RIOK1: variants seen among roughly 807,000 people sequenced by gnomAD.
RIOK1 encodes serine/threonine-protein kinase RIO1.
A neutral mutation model predicts 73.5 loss-of-function variants in RIOK1; 66 were observed. That is an observed-to-expected ratio of 0.90 (90% CI 0.74 to 1.10). RIOK1 has a LOEUF of 1.10. Among genes scored for constraint, RIOK1 ranks in the 50% least tolerant of loss-of-function variants. The probability of loss-of-function intolerance (pLI) is 0.00; values close to 1 mark genes in which losing one functional copy is unlikely to be tolerated. For synonymous variants in RIOK1, 224 were observed against 226.8 expected (o/e 0.99, Z 0.11); for missense variants, 658 against 699.8 (o/e 0.94, Z 0.67).
At chr6:7,417,052 T>C (rs905236744) in intron 16 of RIOK1, among the ~76,000 whole-genome samples, 5 of 152,098 alleles carry the variant, frequency 3.3e-5, no homozygotes, top group Non-Finnish European at 7.3e-5. Context: ...GAGACCAGCC[T>C]GTGCAATCTG....
Position 7,393,214 on chromosome 6 carries a change from T to TATGATG in RIOK1, c.191_192insTGATGA (p.Asp68_Asp69dup). The TATGATG allele has an allele frequency of 6.2e-7, 1 of 1,611,224 alleles. No homozygotes were observed. Among genetic ancestry groups the TATGATG allele is most frequent in the Non-Finnish European group, 8.5e-7 (1 of 1,177,400 alleles). ...AATAGAAGATGAGGAGGAGGAGGGT[T>TATGATG]ATGACGATGATGATGATGACTGGGA... On this transcript the variant is annotated inframe_insertion, in exon 2 of 17. Coordinates refer to ENST00000379834, the MANE Select transcript of RIOK1 (RefSeq NM_031480.3).
Position 7,396,807 on chromosome 6 carries a change from A to G in RIOK1, c.437+35A>G, listed in dbSNP as rs370733875. The G allele has an allele frequency of 9.6e-5, 109 of 1,137,206 alleles. No individual in the cohort carries two copies. In the African/African-American group the frequency reaches 1.4e-3, roughly 15 times the overall value. 70.4% of individuals were successfully genotyped at this position (1,137,206 alleles called of 1,614,324 possible). A position where few individuals can be genotyped will look rare whatever the true frequency, so the allele number is the denominator to read the frequency against. The stretch of plus-strand genomic sequence containing the variant: ...ATTTTAATAATATGCATGGGTGATA[A>G]GGACTAATCTAGATTAAGCAGCACC... On this transcript the variant is annotated intron_variant, in intron 4 of 16. Transcript: ENST00000379834.
rs1192679920 is a variant in RIOK1 at position 7,390,084 on chromosome 6, G to C, written c.71+11G>C. 1 of 1,554,654 alleles carries C rather than the reference G, an allele frequency of 6.4e-7. No individual in the cohort carries two copies. The highest frequency in any genetic ancestry group is 8.7e-7 in the Non-Finnish European group (1 of 1,148,964). ...GGACTCCTCTGACAGGTAGGCGGCC[G>C]TACAGTGCCCTGGCTCTGGGTACGG... On this transcript the variant is annotated intron_variant, in intron 1 of 16. Transcript: ENST00000379834.
chr6:7,391,190 C>T (rs2113493681), intron 1 of RIOK1, among the ~76,000 whole-genome samples: 1 of 152,250 alleles, frequency 6.6e-6, no homozygotes, highest in South Asian at 2.1e-4. Flanking sequence ...GGGATGTTTT[C>T]AATAAATATA....
chr6:7,392,969 G>T, intron 1 of RIOK1, 130 bp from the exon 2 acceptor site: 1 of 1,323,146 alleles, frequency 7.6e-7, no homozygotes. Context: ...CTTATCGGAA[G>T]GTGTATTTTA....
At chr6:7,405,159 T>A in intron 11 of RIOK1, 90 bp from the exon 12 acceptor site, 1 of 1,036,294 alleles carries the variant, frequency 9.6e-7, no homozygotes, top group South Asian at 1.4e-5. Flanking sequence ...AGATGGTATG[T>A]AATTTTATCT....
chr6:7,409,016 C>T (rs532108495), intron 12 of RIOK1, among the ~76,000 whole-genome samples: 7 of 150,404 alleles, frequency 4.7e-5, no homozygotes, highest in Admixed American at 2.0e-4. Context: ...CCACCGCACC[C>T]GGCCTCTTTT....
intron 14 of RIOK1, 129 bp downstream of exon 14, chr6:7,411,580 T>A: frequency 1.1e-6 from 1 of 942,584 alleles, no homozygotes; most frequent in Non-Finnish European, 1.6e-6. Context: ...AATGACTAAC[T>A]CTATCTGTGT....
chr6:7,414,250 C>T lies in RIOK1; in HGVS notation c.1456C>T (p.Leu486=), dbSNP rs769724036. The T allele has an allele frequency of 3.3e-5, 53 of 1,612,324 alleles. No individual in the cohort carries two copies. Among genetic ancestry groups the T allele is most frequent in the Non-Finnish European group, 4.2e-5 (49 of 1,179,412 alleles). The change falls in exon 16 of 17, where the codon CTA becomes TTA. Residue 486 remains leucine, a synonymous_variant. Coordinates refer to ENST00000379834, the MANE Select transcript of RIOK1 (RefSeq NM_031480.3). ...TAATAATTTCAAGGTCCCTGCACTCCTAGAAAATCAAGTGGAGGAAAGGAC... is the reference window on the plus strand; with the variant it reads ...TAATAATTTCAAGGTCCCTGCACTCTTAGAAAATCAAGTGGAGGAAAGGAC... ...LSGVQKVPAL[L]ENQVEERTCS...
At chr6:7,405,146 G>T in intron 11 of RIOK1, 103 bp from the exon 12 acceptor site, 1 of 1,027,970 alleles carries the variant, frequency 9.7e-7, no homozygotes, top group East Asian at 2.5e-5. Context: ...ACCATTTGCT[G>T]GGAGATGGTA....
Position 7,402,806 on chromosome 6 carries a change from T to A in RIOK1, c.687-11T>A, listed in dbSNP as rs1348931129. The stretch of plus-strand genomic sequence containing the variant: ...GAATGATTGAAATAATAAACATTTT[T>A]CTTATTCAAGATTTCGTCATGGCTA... On this transcript the variant is annotated splice_polypyrimidine_tract_variant and intron_variant, in intron 7 of 16. Coordinates refer to ENST00000379834, the MANE Select transcript of RIOK1 (RefSeq NM_031480.3). 1 of 1,608,672 alleles carries A rather than the reference T, an allele frequency of 6.2e-7. No individual in the cohort carries two copies. The highest frequency in any genetic ancestry group is 1.7e-5 in the Admixed American group (1 of 59,458).
At chr6:7,397,893 G>A (rs1193431000) in intron 4 of RIOK1, among the ~76,000 whole-genome samples, 1 of 152,218 alleles carries the variant, frequency 6.6e-6, no homozygotes, top group African/African-American at 2.4e-5. Context: ...TGTAATCCCA[G>A]CACTTTGGGA....
intron 12 of RIOK1, among the ~76,000 whole-genome samples, chr6:7,408,982 A>G (rs1323959782): frequency 2.7e-5 from 4 of 150,860 alleles, no homozygotes; most frequent in Non-Finnish European, 5.9e-5. Flanking sequence ...CGGCCTCCCA[A>G]AGTGCTGGGA....
chr6:7,396,328 C>CATAA (rs1761472882), intron 3 of RIOK1, among the ~76,000 whole-genome samples: 1 of 152,154 alleles, frequency 6.6e-6, no homozygotes, highest in Non-Finnish European at 1.5e-5. Context: ...CTATCATAGA[C>CATAA]TTATAACTTG....
chr6:7,394,300 G>T (rs1187845541), intron 2 of RIOK1, among the ~76,000 whole-genome samples: 1 of 152,180 alleles, frequency 6.6e-6, no homozygotes, highest in African/African-American at 2.4e-5. Flanking sequence ...CGGGCGTGGT[G>T]GTGGGTGCCT....
intron 4 of RIOK1, among the ~76,000 whole-genome samples, chr6:7,398,373 G>C (rs1043304862): frequency 5.3e-5 from 8 of 151,842 alleles, no homozygotes; most frequent in African/African-American, 1.9e-4. Flanking sequence ...AGATGTGAAG[G>C]ACAGTACAAA....
chr6:7,412,877 T>G lies in RIOK1; in HGVS notation c.1390-12T>G, dbSNP rs779357883. The G allele has an allele frequency of 7.5e-6, 11 of 1,474,128 alleles. No individual in the cohort carries two copies. In the East Asian group the frequency reaches 2.4e-4, roughly 32 times the overall value. The allele number at this position is 1,474,128 out of a possible 1,614,324, so 91.3% of individuals were successfully genotyped here. On this transcript the variant is annotated splice_polypyrimidine_tract_variant and intron_variant, in intron 14 of 16. Transcript: ENST00000379834. Reference sequence around the variant, plus strand: ...TTGATCCTTATTTTTTTTTTTTCATTTTGGTTATAAGATTCTATACCAGAC... The same window carrying G: ...TTGATCCTTATTTTTTTTTTTTCATGTTGGTTATAAGATTCTATACCAGAC...
chr6:7,402,885 G>A lies in RIOK1; in HGVS notation c.755G>A (p.Arg252Lys), dbSNP rs1326851891. 1.9e-6 allele frequency: 3 copies of A among 1,613,742 alleles called. No homozygotes were observed. In the South Asian group the frequency reaches 3.3e-5, roughly 18 times the overall value. Residue 252 changes from arginine (R) to lysine (K), a missense_variant, in exon 8 of 17, where the codon AGG becomes AAG. Transcript: ENST00000379834. ...AAAACTTGGGCAGAAAAAGAAATGAGGAACTTAATCAGGTGACTGTCTGGG... is the reference window on the plus strand; with the variant it reads ...AAAACTTGGGCAGAAAAAGAAATGAAGAACTTAATCAGGTGACTGTCTGGG... ...MVKTWAEKEM[R>K]NLIRLNTAEI...
At chr6:7,408,710 T>G (rs1204835433) in intron 12 of RIOK1, among the ~76,000 whole-genome samples, 1 of 151,648 alleles carries the variant, frequency 6.6e-6, no homozygotes, top group Admixed American at 6.6e-5. Flanking sequence ...TAGCACTGAC[T>G]TTCTTTTTCT....
Sources: allele counts gnomAD v4.1 joint callset (sites outside exome capture counted in the v4.1 genomes callset), GRCh38; gene constraint gnomAD v4.1.1; transcripts MANE v1.5; gene names NCBI Gene and HGNC (gene_info 2026-07-23, HGNC 2026-07-21).